PTK2: variants seen among roughly 807,000 people sequenced by gnomAD.
PTK2 encodes the protein focal adhesion kinase 1.
In PTK2, 45 loss-of-function variants were observed where a neutral mutation model predicts 150.1. The observed-to-expected ratio is 0.30, with a 90% CI of 0.24 to 0.38. The LOEUF is 0.38. Among genes scored for constraint, PTK2 ranks in the 10% least tolerant of loss-of-function variants. The pLI is 1.00. For synonymous variants in PTK2, 432 were observed against 449.2 expected, an observed-to-expected ratio of 0.96 and a Z score of 0.48; for missense variants, 919 against 1,307.3, an observed-to-expected ratio of 0.70 and a Z score of 4.58.
chr8:140,798,015 T>A (rs899854226), intron 12 of PTK2, among the ~76,000 whole-genome samples: 2 of 152,126 alleles, frequency 1.3e-5, no homozygotes, highest in Non-Finnish European at 2.9e-5. Context: ...ACAAAATGCA[T>A]CTGGGCACAC....
chr8:140,770,534 A>G (rs1333831743), intron 14 of PTK2, among the ~76,000 whole-genome samples, 182 bp downstream of exon 15: 1 of 152,250 alleles, frequency 6.6e-6, no homozygotes, highest in Non-Finnish European at 1.5e-5. Context: ...ACCCAAAAAC[A>G]GTGACATAAA....
At chr8:140,794,429 A>G (rs541665565) in intron 12 of PTK2, among the ~76,000 whole-genome samples, 1 of 152,262 alleles carries the variant, frequency 6.6e-6, no homozygotes, top group South Asian at 2.1e-4. Flanking sequence ...CCACTCGTGT[A>G]GTCACACTTG....
chr8:140,921,450 C>T (rs888103544), intron 2 of PTK2, among the ~76,000 whole-genome samples: 2 of 152,118 alleles, frequency 1.3e-5, no homozygotes, highest in Non-Finnish European at 2.9e-5. Context: ...CAAAGTCATG[C>T]CTTTGTCATT....
chr8:140,745,308 C>A (rs1419426197), intron 18 of PTK2, among the ~76,000 whole-genome samples: 4 of 152,190 alleles, frequency 2.6e-5, no homozygotes, highest in Admixed American at 2.0e-4. Context: ...AATGTACTTA[C>A]TTGTTCATGC....
At chr8:140,832,346 C>T (rs974458208) in intron 7 of PTK2, among the ~76,000 whole-genome samples, 1 of 152,212 alleles carries the variant, frequency 6.6e-6, no homozygotes, top group Admixed American at 6.5e-5. Flanking sequence ...TGAGCCACTG[C>T]GCCCAGCCTC....
At position 140,693,586 on chromosome 8, in the gene PTK2, A is replaced by T. The variant is rs985953270; in HGVS notation, c.2500-6892T>A. Among the ~76,000 whole-genome samples, 23 of 143,956 alleles carry T rather than the reference A, an allele frequency of 1.6e-4. No homozygotes were observed. The South Asian group carries it at 2.8e-3, about 18-fold the overall frequency. The allele number at this position is 143,956 out of a possible 152,430, so 94.4% of individuals were successfully genotyped here. The stretch of plus-strand genomic sequence containing the variant: ...AATTAAAAAAAAAAAAAAAAAAAAA[A>T]AAAAAAAAAAAAAAAAGGAGCACTA... On this transcript the variant is annotated intron_variant, in intron 26 of 31. Coordinates refer to ENST00000522684, the Ensembl canonical transcript of PTK2.
At chr8:140,844,430 CTTTA>C (rs986298739) in intron 7 of PTK2, among the ~76,000 whole-genome samples, 13 of 116,830 alleles carry the variant, frequency 1.1e-4, no homozygotes, top group Admixed American at 1.6e-4. Context: ...GTCACTGCTC[CTTTA>C]TTTATTTATT....
At chr8:140,767,912 CTT>C (rs1329833274) in intron 14 of PTK2, among the ~76,000 whole-genome samples, 13 of 152,094 alleles carry the variant, frequency 8.5e-5, no homozygotes, top group Non-Finnish European at 1.8e-4. Flanking sequence ...CAGTCTGAAA[CTT>C]CCTGGGCCCT....
At chr8:140,905,562 A>G (rs996816457) in intron 2 of PTK2, among the ~76,000 whole-genome samples, 2 of 152,194 alleles carry the variant, frequency 1.3e-5, no homozygotes, top group African/African-American at 4.8e-5. Flanking sequence ...TTAGACTTCC[A>G]CACAATAATA....
At chr8:140,739,452 T>G (rs1273844324) in intron 20 of PTK2, among the ~76,000 whole-genome samples, 1 of 152,196 alleles carries the variant, frequency 6.6e-6, no homozygotes, top group African/African-American at 2.4e-5. Flanking sequence ...GATCCTTATC[T>G]GTAGGTTAGA....
chr8:140,906,627 G>A (rs1163086691), intron 2 of PTK2, among the ~76,000 whole-genome samples: 2 of 152,140 alleles, frequency 1.3e-5, no homozygotes, highest in African/African-American at 4.8e-5. Flanking sequence ...TCCCATGGAA[G>A]TATAGAGTAG....
At chr8:140,971,342 A>G (rs1372232995) in intron 1 of PTK2, among the ~76,000 whole-genome samples, 1 of 152,244 alleles carries the variant, frequency 6.6e-6, no homozygotes, top group Non-Finnish European at 1.5e-5. Context: ...TTGGACCAGT[A>G]GCATCCACAG....
chr8:140,819,334 T>C (rs996969845), intron 8 of PTK2, among the ~76,000 whole-genome samples: 8 of 152,046 alleles, frequency 5.3e-5, no homozygotes, highest in African/African-American at 1.9e-4. Context: ...AGGCCAAAGG[T>C]ATAAAGGTAC....
At chr8:140,801,262 T>C (rs975488184) in intron 11 of PTK2, among the ~76,000 whole-genome samples, 3 of 152,188 alleles carry the variant, frequency 2.0e-5, no homozygotes, top group African/African-American at 7.2e-5. Flanking sequence ...GGTGTGCTGA[T>C]GGAAACAGAT....
intron 8 of PTK2, among the ~76,000 whole-genome samples, chr8:140,819,389 T>C (rs2154601832): frequency 6.6e-6 from 1 of 152,290 alleles, no homozygotes; most frequent in African/African-American, 2.4e-5. Context: ...TATATCTTTC[T>C]GAAGGAAAGC....
intron 7 of PTK2, among the ~76,000 whole-genome samples, chr8:140,832,376 T>A (rs1291872925): frequency 6.6e-6 from 1 of 152,168 alleles, no homozygotes; most frequent in Non-Finnish European, 1.5e-5. Context: ...TTAATTTGAA[T>A]CTTGGCTCTG....
chr8:140,708,205 G>A (rs1196288703), intron 23 of PTK2, among the ~76,000 whole-genome samples: 1 of 152,158 alleles, frequency 6.6e-6, no homozygotes, highest in Non-Finnish European at 1.5e-5. Context: ...AAACGCCTTA[G>A]TGTCTGTCTC....
At chr8:140,795,527 C>T (rs959566110) in intron 12 of PTK2, among the ~76,000 whole-genome samples, 1 of 152,196 alleles carries the variant, frequency 6.6e-6, no homozygotes, top group Non-Finnish European at 1.5e-5. Context: ...GTATCCCTTA[C>T]TTTCTTCCCT....
intron 2 of PTK2, among the ~76,000 whole-genome samples, chr8:140,893,220 G>A (rs997365985): frequency 4.6e-5 from 7 of 152,148 alleles, no homozygotes; most frequent in African/African-American, 1.2e-4. Flanking sequence ...TTGGGAGGCC[G>A]AGGATTGCTT....
Sources: gnomAD v4.1 joint callset for allele counts (sites outside exome capture counted in the v4.1 genomes callset) on GRCh38, gnomAD v4.1.1 for gene constraint, MANE v1.5 for transcripts, NCBI Gene and HGNC (gene_info 2026-07-23, HGNC 2026-07-21) for gene names.